The following SAMD3 variants were observed in gnomAD, a reference collection of about 807,000 sequenced individuals.
SAMD3 encodes the protein sterile alpha motif domain-containing protein 3.
In SAMD3, 63 loss-of-function variants were observed where a neutral mutation model predicts 58.5. That is an observed-to-expected ratio of 1.08 (90% CI 0.88 to 1.33). The LOEUF is 1.33. Among genes scored for constraint, SAMD3 ranks in the 40% most tolerant of loss-of-function variants. The probability of loss-of-function intolerance (pLI) is 0.00; values close to 1 mark genes in which losing one functional copy is unlikely to be tolerated. For synonymous variants in SAMD3, 220 were observed against 210.3 expected, an observed-to-expected ratio of 1.05 and a Z score of -0.40; for missense variants, 604 against 608.4, an observed-to-expected ratio of 0.99 and a Z score of 0.08.
At chr6:130,280,162 C>T (rs1774931093) in intron 2 of SAMD3, among the ~76,000 whole-genome samples, 1 of 152,168 alleles carries the variant, frequency 6.6e-6, no homozygotes, top group Non-Finnish European at 1.5e-5. Flanking sequence ...TTCCCATTCA[C>T]TGCTTGGCTC....
intron 7 of SAMD3, chr6:130,183,291 C>A: frequency 2.3e-6 from 1 of 430,070 alleles, no homozygotes; most frequent in Non-Finnish European, 4.5e-6. Flanking sequence ...GAGCTGAGAT[C>A]GCGCCACTAT....
At chr6:130,365,835 T>C (rs1778122240), upstream of SAMD3, 2 of 985,462 alleles carry the variant, frequency 2.0e-6, no homozygotes, top group Admixed American at 6.1e-5. Context: ...GCAGATCCTG[T>C]CTGCGTCCTC....
At chr6:130,180,875 T>C (rs976706483) in intron 7 of SAMD3, among the ~76,000 whole-genome samples, 6 of 152,158 alleles carry the variant, frequency 3.9e-5, no homozygotes, top group African/African-American at 1.4e-4. Context: ...GTTAGGAGTA[T>C]ATGCATATCA....
At chr6:130,331,969 G>A (rs149182973) in intron 1 of SAMD3, among the ~76,000 whole-genome samples, 1 of 152,108 alleles carries the variant, frequency 6.6e-6, no homozygotes, top group Admixed American at 6.5e-5. Flanking sequence ...TCTGATTTCT[G>A]CTTAAAAGTA....
At chr6:130,239,585 A>G (rs1460133733) in intron 2 of SAMD3, among the ~76,000 whole-genome samples, 2 of 152,226 alleles carry the variant, frequency 1.3e-5, no homozygotes, top group African/African-American at 2.4e-5. Flanking sequence ...CTTCTATTAC[A>G]GATTTGAACA....
At chr6:130,278,233 T>G (rs1004772416) in intron 2 of SAMD3, among the ~76,000 whole-genome samples, 14 of 152,130 alleles carry the variant, frequency 9.2e-5, no homozygotes, top group African/African-American at 3.4e-4. Flanking sequence ...TCCCTATGAT[T>G]TCATCTCTGA....
chr6:130,301,314 A>C (rs2114975341), intron 2 of SAMD3, among the ~76,000 whole-genome samples: 1 of 152,186 alleles, frequency 6.6e-6, no homozygotes, highest in South Asian at 2.1e-4. Context: ...CAAATTGAGA[A>C]CTCAATCCCA....
At chr6:130,242,063 C>T (rs141524518) in intron 2 of SAMD3, among the ~76,000 whole-genome samples, 4 of 152,230 alleles carry the variant, frequency 2.6e-5, no homozygotes, top group African/African-American at 4.8e-5. Context: ...AACATACTAC[C>T]GCCACCAGCA....
chr6:130,176,724 T>A (rs1215687451), intron 7 of SAMD3, among the ~76,000 whole-genome samples: 1 of 152,196 alleles, frequency 6.6e-6, no homozygotes, highest in Non-Finnish European at 1.5e-5. Context: ...GTCAGGTAAC[T>A]GCATGAAGGG....
At chr6:130,203,230 C>G (rs930326910) in intron 5 of SAMD3, among the ~76,000 whole-genome samples, 2 of 151,140 alleles carry the variant, frequency 1.3e-5, no homozygotes, top group African/African-American at 4.9e-5. Context: ...ACTACCCAGA[C>G]AAGAACAACA....
At chr6:130,272,012 A>G (rs1398883468) in intron 2 of SAMD3, among the ~76,000 whole-genome samples, 1 of 152,244 alleles carries the variant, frequency 6.6e-6, no homozygotes, top group Non-Finnish European at 1.5e-5. Context: ...GTGGGGACAC[A>G]GCCAAACCAT....
intron 2 of SAMD3, among the ~76,000 whole-genome samples, chr6:130,297,886 G>C (rs1775621571): frequency 6.6e-6 from 1 of 152,166 alleles, no homozygotes. Flanking sequence ...ATAGGATTAT[G>C]TAAAGTGACC....
At chr6:130,251,925 G>A (rs1265940606) in intron 2 of SAMD3, among the ~76,000 whole-genome samples, 2 of 151,696 alleles carry the variant, frequency 1.3e-5, no homozygotes, top group Admixed American at 1.3e-4. Context: ...GGTCTAGTGA[G>A]TTTATAGCAT....
At chr6:130,236,252 T>C (rs976444116) in intron 2 of SAMD3, among the ~76,000 whole-genome samples, 4 of 152,330 alleles carry the variant, frequency 2.6e-5, no homozygotes, top group East Asian at 1.9e-4. Flanking sequence ...ACATGTGTGT[T>C]AATCTCTGCA....
intron 5 of SAMD3, among the ~76,000 whole-genome samples, chr6:130,199,409 C>T (rs2114779005): frequency 6.6e-6 from 1 of 152,156 alleles, no homozygotes; most frequent in East Asian, 1.9e-4. Context: ...ACATCCCAAA[C>T]CTGAGATGTT....
intron 1 of SAMD3, among the ~76,000 whole-genome samples, chr6:130,217,841 C>A (rs912205108): frequency 2.6e-5 from 4 of 152,304 alleles, no homozygotes; most frequent in South Asian, 2.1e-4. Context: ...GTTTTGCTGG[C>A]GGCATATGCC....
At chr6:130,164,828 A>T (rs560206384) in intron 8 of SAMD3, among the ~76,000 whole-genome samples, 2 of 152,090 alleles carry the variant, frequency 1.3e-5, no homozygotes, top group Non-Finnish European at 2.9e-5. Flanking sequence ...TTGTCACCAC[A>T]CCTAACTTCA....
intron 8 of SAMD3, among the ~76,000 whole-genome samples, chr6:130,165,233 T>C (rs545015181): frequency 6.6e-6 from 1 of 152,214 alleles, no homozygotes; most frequent in South Asian, 2.1e-4. Flanking sequence ...TTGAAGAAAC[T>C]AATAGGACTG....
intron 2 of SAMD3, among the ~76,000 whole-genome samples, chr6:130,232,187 T>A (rs747561406): frequency 6.6e-6 from 1 of 152,036 alleles, no homozygotes; most frequent in Non-Finnish European, 1.5e-5. Context: ...GTCTGGGGAA[T>A]TCCATTGCAA....
Sources: allele counts gnomAD v4.1 joint callset (sites outside exome capture counted in the v4.1 genomes callset), GRCh38; gene constraint gnomAD v4.1.1; transcripts MANE v1.5; gene names NCBI Gene and HGNC (gene_info 2026-07-23, HGNC 2026-07-21).